The following DAB1 variants were observed in gnomAD, a reference collection of about 807,000 sequenced individuals.
DAB1 encodes the protein DAB adaptor protein 1.
In DAB1, 15 loss-of-function variants were observed where a neutral mutation model predicts 64.6. That is an observed-to-expected ratio of 0.23 (90% CI 0.16 to 0.36). The LOEUF is 0.36. DAB1 is among the 10% of genes least tolerant of loss of function. The pLI is 1.00. For missense variants in DAB1, 596 were observed against 706.7 expected (o/e 0.84, Z 1.78); for synonymous variants, 235 against 251.9 (o/e 0.93, Z 0.64).
At chr1:57,988,498 C>T (rs529269431) in intron 5 of DAB1, among the ~76,000 whole-genome samples, 1 of 152,290 alleles carries the variant, frequency 6.6e-6, no homozygotes, top group African/African-American at 2.4e-5. Context: ...CCTTGAGTTC[C>T]CTCCCCTTGG....
In DAB1 at chr1:57,367,109, A is replaced by AAAATAAAATAAAAT. The variant is rs1491339883; in HGVS notation, c.-137+56820_-137+56821insATTTTATTTTATTT. Among the ~76,000 whole-genome samples the AAAATAAAATAAAAT allele has an allele frequency of 2.4e-3, 318 of 131,654 alleles. 3 individuals carry two copies. The highest frequency in any genetic ancestry group is 9.5e-3 in the African/African-American group (305 of 32,210). 86.4% of individuals were successfully genotyped at this position (131,654 alleles called of 152,430 possible). ...AAAATAAAATAAAATAAAATAAAAT[A>AAAATAAAATAAAAT]AAATAAAATAAATAAATTAGCCAGG... On this transcript the variant is annotated intron_variant, in intron 1 of 14. Transcript: ENST00000371236.
intron 1 of DAB1, among the ~76,000 whole-genome samples, chr1:58,540,227 A>G (rs994244029): frequency 6.6e-6 from 1 of 152,032 alleles, no homozygotes; most frequent in African/African-American, 2.4e-5. Flanking sequence ...CCTAACAAAT[A>G]TTAAAAGCAA....
At chr1:58,142,167 C>T (rs1314643910) in intron 5 of DAB1, among the ~76,000 whole-genome samples, 2 of 152,096 alleles carry the variant, frequency 1.3e-5, no homozygotes, top group Admixed American at 1.3e-4. Context: ...CCACAGAGGG[C>T]AGGGCATGCT....
At chr1:58,122,360 A>G (rs914070965) in intron 5 of DAB1, among the ~76,000 whole-genome samples, 1 of 152,230 alleles carries the variant, frequency 6.6e-6, no homozygotes, top group East Asian at 1.9e-4. Context: ...TCAAAATAGT[A>G]GGATGACTTT....
chr1:57,800,014 G>A (rs1651050785), intron 6 of DAB1, among the ~76,000 whole-genome samples: 1 of 152,178 alleles, frequency 6.6e-6, no homozygotes, highest in African/African-American at 2.4e-5. Flanking sequence ...AGATTAGGAT[G>A]CTAATGCTAA....
At chr1:57,200,726 A>G (rs985412674) in intron 2 of DAB1, among the ~76,000 whole-genome samples, 1 of 152,214 alleles carries the variant, frequency 6.6e-6, no homozygotes, top group African/African-American at 2.4e-5. Context: ...TTCACTTGTA[A>G]TTTTGCAAGT....
At chr1:57,903,544 T>A (rs1004323718) in intron 5 of DAB1, among the ~76,000 whole-genome samples, 1 of 152,176 alleles carries the variant, frequency 6.6e-6, no homozygotes, top group Non-Finnish European at 1.5e-5. Context: ...ACATGAGGCC[T>A]CACTTCTGGA....
At chr1:58,032,085 A>G (rs936494376) in intron 5 of DAB1, among the ~76,000 whole-genome samples, 9 of 151,424 alleles carry the variant, frequency 5.9e-5, no homozygotes, top group African/African-American at 2.2e-4. Context: ...TGGTCTATGG[A>G]CAAGCAGTAT....
At chr1:57,985,795 TCA>T (rs1333463067) in intron 5 of DAB1, among the ~76,000 whole-genome samples, 2 of 152,074 alleles carry the variant, frequency 1.3e-5, no homozygotes, top group African/African-American at 4.8e-5. Context: ...TCTTCATATG[TCA>T]CACAAGCACA....
intron 3 of DAB1, among the ~76,000 whole-genome samples, chr1:58,475,726 T>C (rs1645412731): frequency 1.3e-5 from 2 of 152,172 alleles, no homozygotes; most frequent in African/African-American, 4.8e-5. Context: ...GTAAAGCATA[T>C]ACACGTTACT....
At chr1:57,372,569 G>A (rs1164885138) in intron 1 of DAB1, among the ~76,000 whole-genome samples, 3 of 152,040 alleles carry the variant, frequency 2.0e-5, no homozygotes, top group Non-Finnish European at 2.9e-5. Context: ...ACCTCTGGCT[G>A]ACTTTACACA....
intron 3 of DAB1, among the ~76,000 whole-genome samples, chr1:58,427,843 T>C (rs1644835839): frequency 6.6e-6 from 1 of 152,126 alleles, no homozygotes; most frequent in Non-Finnish European, 1.5e-5. Flanking sequence ...GTAAGGGTCA[T>C]CAACTCAGCC....
intron 5 of DAB1, among the ~76,000 whole-genome samples, chr1:57,967,377 T>A (rs1051890471): frequency 6.6e-6 from 1 of 152,234 alleles, no homozygotes; most frequent in African/African-American, 2.4e-5. Flanking sequence ...GATCCTGAAC[T>A]GTACTTGCTA....
At position 57,145,427 on chromosome 1, in the gene DAB1, G is replaced by C; in HGVS notation, c.70C>G (p.Gln24Glu). ...ATCAAAGTGGCTTCACTGCGATCCTGACCTAAAAAGAGAAAAAGCAGATTC... is the reference window on the plus strand; with the variant it reads ...ATCAAAGTGGCTTCACTGCGATCCTCACCTAAAAAGAGAAAAAGCAGATTC... Reference protein sequence around the residue: ...SAKKDSRKKGQDRSEATLIKR... With the variant: ...SAKKDSRKKGEDRSEATLIKR... Residue 24 changes from glutamine (Q) to glutamate (E), a missense_variant and splice_region_variant, in exon 3 of 15, where the codon CAG becomes GAG. This residue lies in a region of DAB1 where 43 missense variants were observed against 39.6 expected (regional missense o/e 1.09). Coordinates refer to ENST00000371236, the MANE Select transcript of DAB1 (RefSeq NM_001365792.1). 2.5e-6 allele frequency: 4 copies of C among 1,613,776 alleles called. No individual in the cohort carries two copies. The highest frequency in any genetic ancestry group is 3.4e-6 in the Non-Finnish European group (4 of 1,179,842).
At chr1:57,244,544 T>A (rs1363210545) in intron 2 of DAB1, among the ~76,000 whole-genome samples, 1 of 152,044 alleles carries the variant, frequency 6.6e-6, no homozygotes, top group African/African-American at 2.4e-5. Context: ...AGATTAGAGG[T>A]GGAAAACTCT....
intron 2 of DAB1, among the ~76,000 whole-genome samples, chr1:57,168,810 C>G (rs1661450979): frequency 6.6e-6 from 1 of 152,158 alleles, no homozygotes; most frequent in African/African-American, 2.4e-5. Context: ...AATCTCAGCA[C>G]TTTGGGAAGC....
intron 3 of DAB1, among the ~76,000 whole-genome samples, chr1:58,369,407 C>A (rs997437050): frequency 6.6e-6 from 1 of 152,184 alleles, no homozygotes; most frequent in African/African-American, 2.4e-5. Context: ...TCTTGATGAA[C>A]TTTACAGCTG....
At chr1:57,151,036 G>A (rs575084930) in intron 2 of DAB1, among the ~76,000 whole-genome samples, 1 of 152,186 alleles carries the variant, frequency 6.6e-6, no homozygotes, top group African/African-American at 2.4e-5. Flanking sequence ...TTGATTAGAT[G>A]GGTCTGCGGT....
intron 1 of DAB1, among the ~76,000 whole-genome samples, chr1:57,350,162 T>C (rs1678462980): frequency 6.6e-6 from 1 of 152,200 alleles, no homozygotes; most frequent in Non-Finnish European, 1.5e-5. Context: ...TGTGATAAGT[T>C]AAATATGTAC....
Sources: gnomAD v4.1 joint callset for allele counts (sites outside exome capture counted in the v4.1 genomes callset) on GRCh38, gnomAD v4.1.1 for gene constraint, gnomAD v4.1.1 regional missense constraint, MANE v1.5 for transcripts, NCBI Gene and HGNC (gene_info 2026-07-23, HGNC 2026-07-21) for gene names.